Variants in ITSN1 observed in about 807,000 individuals in gnomAD.
ITSN1 encodes intersectin-1.
ITSN1 carries 58 observed loss-of-function variants against 239.8 expected under a neutral mutation model. The observed-to-expected ratio is 0.24, with a 90% CI of 0.20 to 0.30. The LOEUF is 0.30. ITSN1 is among the 10% of genes least tolerant of loss of function. The pLI is 1.00. For missense variants in ITSN1, 1,558 were observed against 2,103.3 expected, an observed-to-expected ratio of 0.74 and a Z score of 5.07; for synonymous variants, 780 against 770.8, an observed-to-expected ratio of 1.01 and a Z score of -0.20.
intron 21 of ITSN1, among the ~76,000 whole-genome samples, chr21:33,813,247 C>T (rs1325351965): frequency 6.6e-6 from 1 of 152,072 alleles, no homozygotes; most frequent in African/African-American, 2.4e-5. Flanking sequence ...GTGGCGTGAT[C>T]TCAGCAGCTC....
chr21:33,660,315 C>G (rs2146253598), intron 1 of ITSN1, among the ~76,000 whole-genome samples: 1 of 152,216 alleles, frequency 6.6e-6, no homozygotes, highest in African/African-American at 2.4e-5. Context: ...GTATCAAAAC[C>G]CTTGTGTCCT....
At chr21:33,662,912 C>T (rs572596151) in intron 1 of ITSN1, among the ~76,000 whole-genome samples, 64 of 152,140 alleles carry the variant, frequency 4.2e-4, no homozygotes, top group African/African-American at 1.2e-3. Flanking sequence ...ATGAGGACCT[C>T]GAATTTGCTG....
At position 33,799,918 on chromosome 21, in the gene ITSN1, G is replaced by A. The variant is rs755974128; in HGVS notation, c.2293G>A (p.Asp765Asn). 1 of 1,613,686 alleles carries A rather than the reference G, an allele frequency of 6.2e-7. No individual in the cohort carries two copies. The highest frequency in any genetic ancestry group is 1.7e-5 in the Admixed American group (1 of 59,940). ...SHDEITIQPGDIVMVKGEWVD... is the reference protein window; with the variant it reads ...SHDEITIQPGNIVMVKGEWVD... ...TGATGAAATCACTATCCAGCCAGGA[G>A]ACATAGTCATGGTAAGAAAGACTCC... is the stretch of plus-strand genomic sequence containing the variant. Residue 765 changes from aspartate to asparagine, a missense_variant, in exon 19 of 40, where the codon GAC becomes AAC. Coordinates refer to ENST00000381318, the MANE Select transcript of ITSN1 (RefSeq NM_003024.3).
intron 5 of ITSN1, among the ~76,000 whole-genome samples, chr21:33,747,402 GAA>G (rs1178534294): frequency 1.3e-5 from 2 of 152,080 alleles, no homozygotes; most frequent in African/African-American, 4.8e-5. Context: ...GATCATGAGA[GAA>G]AGGTACAGAA....
intron 1 of ITSN1, among the ~76,000 whole-genome samples, chr21:33,647,611 T>C (rs2088092671): frequency 6.6e-6 from 1 of 152,186 alleles, no homozygotes; most frequent in Non-Finnish European, 1.5e-5. Flanking sequence ...ATCTCTTGCC[T>C]TAGCCTCCTG....
At chr21:33,869,205 G>A (rs1982279173) in intron 33 of ITSN1, among the ~76,000 whole-genome samples, 1 of 152,192 alleles carries the variant, frequency 6.6e-6, no homozygotes, top group Non-Finnish European at 1.5e-5. Flanking sequence ...TAATTAATAA[G>A]GAAAGAGGTT....
intron 1 of ITSN1, among the ~76,000 whole-genome samples, chr21:33,665,869 G>A (rs748094952): frequency 1.3e-5 from 2 of 151,504 alleles, no homozygotes; most frequent in African/African-American, 2.4e-5. Flanking sequence ...ATGAAAACAT[G>A]TATAACATAG....
chr21:33,693,213 A>G (rs2146691030), intron 1 of ITSN1, among the ~76,000 whole-genome samples: 1 of 152,312 alleles, frequency 6.6e-6, no homozygotes, highest in Non-Finnish European at 1.5e-5. Flanking sequence ...ATGTGATTTT[A>G]TTCAATTTTC....
intron 14 of ITSN1, among the ~76,000 whole-genome samples, chr21:33,777,454 T>C (rs912978254): frequency 1.3e-5 from 2 of 152,226 alleles, no homozygotes; most frequent in African/African-American, 4.8e-5. Context: ...CCATGTACAT[T>C]TTAGAATCAG....
At chr21:33,655,583 A>ATTTTT (rs756792867) in intron 1 of ITSN1, among the ~76,000 whole-genome samples, 14 of 126,094 alleles carry the variant, frequency 1.1e-4, no homozygotes, top group Non-Finnish European at 2.0e-4. Flanking sequence ...TGCCTGGCTA[A>ATTTTT]TTTTTTTTTT....
At chr21:33,750,478 T>C (rs987660651) in intron 6 of ITSN1, among the ~76,000 whole-genome samples, 156 bp downstream of exon 6, 1 of 152,262 alleles carries the variant, frequency 6.6e-6, no homozygotes, top group Non-Finnish European at 1.5e-5. Flanking sequence ...TCACATTTTT[T>C]CCACTGTATT....
intron 1 of ITSN1, among the ~76,000 whole-genome samples, chr21:33,654,694 C>G (rs2088881812): frequency 6.6e-6 from 1 of 152,118 alleles, no homozygotes; most frequent in Admixed American, 6.5e-5. Context: ...AAGGATTTGG[C>G]CTTAATATGC....
chr21:33,658,859 A>T (rs1310494603), intron 1 of ITSN1, among the ~76,000 whole-genome samples: 1 of 152,218 alleles, frequency 6.6e-6, no homozygotes, highest in Non-Finnish European at 1.5e-5. Context: ...TTCCTAGCAC[A>T]TAGCTTCCAA....
chr21:33,752,655 G>A (rs547206393), intron 7 of ITSN1, among the ~76,000 whole-genome samples: 1 of 152,246 alleles, frequency 6.6e-6, no homozygotes, highest in East Asian at 1.9e-4. Flanking sequence ...AGAGGCTGAG[G>A]CAGGAGGATC....
rs1480384476 is a variant in ITSN1, at chr21:33,895,413, ATGCGTGTTTGTGCG to A, written c.*7121_*7134del. ...CAGCAGCTCAGTGCGTGGTGTGTGCATGCGTGTTTGTGCGTGCGTGTGCATGTATGTGTTTGTGC... is the reference window on the plus strand; with the variant it reads ...CAGCAGCTCAGTGCGTGGTGTGTGCATGCGTGTGCATGTATGTGTTTGTGC... On this transcript the variant is annotated 3_prime_UTR_variant, in exon 40 of 40. Transcript: ENST00000381318. The A allele has an allele frequency of 8.4e-6, 1 of 118,364 alleles. No individual in the cohort carries two copies. The highest frequency in any genetic ancestry group is 1.9e-5 in the Non-Finnish European group (1 of 52,980). The allele number at this position is 118,364 out of a possible 1,614,324, so 7.3% of individuals were successfully genotyped here. A position where few individuals can be genotyped will look rare whatever the true frequency, so the allele number is the denominator to read the frequency against.
At chr21:33,763,707 C>G (rs2068529271) in intron 9 of ITSN1, among the ~76,000 whole-genome samples, 1 of 151,950 alleles carries the variant, frequency 6.6e-6, no homozygotes, top group Non-Finnish European at 1.5e-5. Flanking sequence ...CATAATGTCT[C>G]TATTGTGTAA....
At chr21:33,821,199 A>T (rs2834267) in intron 24 of ITSN1, among the ~76,000 whole-genome samples, 4 of 151,938 alleles carry the variant, frequency 2.6e-5, no homozygotes, top group African/African-American at 4.8e-5. Flanking sequence ...TGTACTGAGG[A>T]CTCAATAAAT....
In ITSN1 at chr21:33,700,994, C is replaced by G. The variant is rs991439283; in HGVS notation, c.-32-17803C>G. Among the ~76,000 whole-genome samples, 250 of 97,060 alleles carry G rather than the reference C, an allele frequency of 2.6e-3. 2 individuals carry two copies. The highest frequency in any genetic ancestry group is 9.6e-3 in the African/African-American group (245 of 25,426). The allele number at this position is 97,060 out of a possible 152,430, so 63.7% of individuals were successfully genotyped here. On this transcript the variant is annotated intron_variant, in intron 1 of 39. Transcript: ENST00000381318. ...GTGTGTGTGTGTGTGTGTGTGTTTTCTTATAGATGTGGTCTCACTCTGTTT... is the reference window on the plus strand; with the variant it reads ...GTGTGTGTGTGTGTGTGTGTGTTTTGTTATAGATGTGGTCTCACTCTGTTT...
At chr21:33,645,289 T>A (rs568081959) in intron 1 of ITSN1, among the ~76,000 whole-genome samples, 5 of 152,236 alleles carry the variant, frequency 3.3e-5, no homozygotes, top group Admixed American at 2.6e-4. Context: ...ACTTAACTGG[T>A]TGGGTTTCTT....
Sources: gnomAD v4.1 joint callset for allele counts (sites outside exome capture counted in the v4.1 genomes callset) on GRCh38, gnomAD v4.1.1 for gene constraint, MANE v1.5 for transcripts, NCBI Gene and HGNC (gene_info 2026-07-23, HGNC 2026-07-21) for gene names.